Variants in FNBP1L observed in about 807,000 individuals in gnomAD.
The protein encoded by FNBP1L is formin-binding protein 1-like.
In FNBP1L, 36 loss-of-function variants were observed where a neutral mutation model predicts 91.2. That is an observed-to-expected ratio of 0.39 (90% confidence interval 0.30 to 0.52). The LOEUF is 0.52. FNBP1L is among the 20% of genes least tolerant of loss of function. The pLI is 0.66. For synonymous variants in FNBP1L, 242 were observed against 237.0 expected, an observed-to-expected ratio of 1.02 and a Z score of -0.19; for missense variants, 571 against 732.1, an observed-to-expected ratio of 0.78 and a Z score of 2.54.
chr1:93,533,007 C>T lies in FNBP1L; in HGVS notation c.725C>T (p.Pro242Leu). 6.2e-7 allele frequency: 1 copy of T among 1,612,966 alleles called. No homozygotes were observed. Among genetic ancestry groups the T allele is most frequent in the Non-Finnish European group, 8.5e-7 (1 of 1,179,358 alleles). The change falls in exon 8 of 17, where the codon CCC (proline) becomes CTC (leucine). Residue 242 changes from proline (P) to leucine (L), a missense_variant. Coordinates refer to ENST00000271234, the MANE Select transcript of FNBP1L (RefSeq NM_001164473.3). ...GCTGACTCAGAACGCAAAGTTATTC[C>T]CATCATTTCAAAATGTTTGGAAGGA... ...GFADSERKVI[P>L]IISKCLEGMI...
chr1:93,467,215 A>G (rs1362150096), intron 1 of FNBP1L, among the ~76,000 whole-genome samples: 1 of 152,232 alleles, frequency 6.6e-6, no homozygotes, highest in Non-Finnish European at 1.5e-5. Context: ...ATTATTGACA[A>G]TAGCTAAAAA....
chr1:93,543,920 T>C (rs1672130199), intron 11 of FNBP1L, 187 bp from the exon 12 acceptor site: 1 of 358,638 alleles, frequency 2.8e-6, no homozygotes, highest in Non-Finnish European at 5.2e-6. Context: ...TTCAGTACAT[T>C]GTTTTCATTA....
At chr1:93,460,771 T>C (rs1358697190) in intron 1 of FNBP1L, among the ~76,000 whole-genome samples, 2 of 152,206 alleles carry the variant, frequency 1.3e-5, no homozygotes, top group Non-Finnish European at 2.9e-5. Flanking sequence ...AACCAGAGGC[T>C]GGGTGTGGGG....
At chr1:93,448,619 A>G (rs1435414342) in intron 1 of FNBP1L, among the ~76,000 whole-genome samples, 1 of 149,528 alleles carries the variant, frequency 6.7e-6, no homozygotes, top group African/African-American at 2.5e-5. Flanking sequence ...TCCCTCCTCC[A>G]CCTTCACTTT....
chr1:93,450,369 C>A (rs1668452867), intron 1 of FNBP1L, among the ~76,000 whole-genome samples: 1 of 152,060 alleles, frequency 6.6e-6, no homozygotes, highest in East Asian at 1.9e-4. Flanking sequence ...TAATTTTTCT[C>A]AACATTTAAT....
intron 1 of FNBP1L, among the ~76,000 whole-genome samples, chr1:93,485,733 G>C (rs915152995): frequency 5.3e-5 from 8 of 152,274 alleles, no homozygotes; most frequent in Middle Eastern, 6.8e-3. Context: ...GTCTCTCTCT[G>C]TTGCCCAGGC....
rs1193949181 is a variant in FNBP1L at position 93,551,197 on chromosome 1, T to TG, written c.1810+93dup. On this transcript the variant is annotated intron_variant, in intron 16 of 16. Transcript: ENST00000271234. The stretch of plus-strand genomic sequence containing the variant: ...TAAAATGAAAACACATTCAACAGGT[T>TG]GAAAAAAATAAGGAAACTTAAAGGG... The TG allele has an allele frequency of 8.5e-6, 12 of 1,404,044 alleles. No individual in the cohort carries two copies. The African/African-American group carries it at 1.7e-4, about 20-fold the overall frequency. 87.0% of individuals were successfully genotyped at this position (1,404,044 alleles called of 1,614,324 possible). A position where few individuals can be genotyped will look rare whatever the true frequency, so the allele number is the denominator to read the frequency against.
At chr1:93,452,155 A>G (rs530767815) in intron 1 of FNBP1L, among the ~76,000 whole-genome samples, 51 of 152,338 alleles carry the variant, frequency 3.3e-4, no homozygotes, top group African/African-American at 1.2e-3. Flanking sequence ...CCTTGAGTGT[A>G]GAAAGGCTGG....
intron 6 of FNBP1L, 115 bp downstream of exon 6, chr1:93,529,871 T>TC: frequency 7.9e-6 from 5 of 635,956 alleles, no homozygotes; most frequent in Non-Finnish European, 1.3e-5. Flanking sequence ...ACACTGTATC[T>TC]AAGTCTAAAA....
At chr1:93,491,795 G>C (rs1235861446) in intron 1 of FNBP1L, among the ~76,000 whole-genome samples, 1 of 151,958 alleles carries the variant, frequency 6.6e-6, no homozygotes, top group African/African-American at 2.4e-5. Context: ...ACAATTATAG[G>C]CTTCTGTTAT....
At chr1:93,508,602 A>G (rs1364795187) in intron 2 of FNBP1L, among the ~76,000 whole-genome samples, 1 of 152,096 alleles carries the variant, frequency 6.6e-6, no homozygotes, top group Non-Finnish European at 1.5e-5. Context: ...ATTGCTTAGG[A>G]CTACCCTGCA....
chr1:93,469,456 A>G (rs1669207641), intron 1 of FNBP1L, among the ~76,000 whole-genome samples: 1 of 152,130 alleles, frequency 6.6e-6, no homozygotes. Flanking sequence ...CATGGTGTAT[A>G]TGTGCCACAT....
At chr1:93,514,531 C>T (rs1167583632) in intron 2 of FNBP1L, among the ~76,000 whole-genome samples, 1 of 152,120 alleles carries the variant, frequency 6.6e-6, no homozygotes, top group Non-Finnish European at 1.5e-5. Flanking sequence ...TACAAGGCTA[C>T]AGTAACCAAA....
At chr1:93,483,038 A>C (rs1669769346) in intron 1 of FNBP1L, among the ~76,000 whole-genome samples, 1 of 151,116 alleles carries the variant, frequency 6.6e-6, no homozygotes, top group African/African-American at 2.4e-5. Context: ...AAAAAACAAA[A>C]AACAAAAAGT....
intron 2 of FNBP1L, among the ~76,000 whole-genome samples, chr1:93,504,776 G>A (rs1213332456): frequency 1.3e-5 from 2 of 152,016 alleles, no homozygotes; most frequent in Non-Finnish European, 2.9e-5. Context: ...TTAAAATTGA[G>A]TTACTTGTTT....
chr1:93,448,708 T>C (rs1251555016), intron 1 of FNBP1L, among the ~76,000 whole-genome samples: 1 of 152,042 alleles, frequency 6.6e-6, no homozygotes, highest in Admixed American at 6.5e-5. Context: ...AGGGGGCCCA[T>C]TGTCCCCAAG....
intron 1 of FNBP1L, among the ~76,000 whole-genome samples, chr1:93,468,518 C>T (rs1171452176): frequency 2.0e-5 from 3 of 152,190 alleles, no homozygotes; most frequent in Non-Finnish European, 2.9e-5. Flanking sequence ...GCAGCCTCGA[C>T]TTCCTGGGTT....
At chr1:93,482,323 CAT>C (rs928698304) in intron 1 of FNBP1L, among the ~76,000 whole-genome samples, 4 of 152,220 alleles carry the variant, frequency 2.6e-5, no homozygotes, top group East Asian at 1.9e-4. Flanking sequence ...TTACTGTAAA[CAT>C]ATGATTTATT....
chr1:93,490,735 A>G (rs1194404634), intron 1 of FNBP1L, among the ~76,000 whole-genome samples: 4 of 152,160 alleles, frequency 2.6e-5, no homozygotes, highest in East Asian at 1.9e-4. Flanking sequence ...CTTTATTTCT[A>G]ACTTACAGAT....
Sources: gnomAD v4.1 joint callset for allele counts (sites outside exome capture counted in the v4.1 genomes callset) on GRCh38, gnomAD v4.1.1 for gene constraint, MANE v1.5 for transcripts, NCBI Gene and HGNC (gene_info 2026-07-23, HGNC 2026-07-21) for gene names.